DNAJC7: variants seen among roughly 807,000 people sequenced by gnomAD.
DNAJC7 encodes the protein DnaJ heat shock protein family (Hsp40) member C7, also known as dnaJ homolog subfamily C member 7.
In DNAJC7, 18 loss-of-function variants were observed where a neutral mutation model predicts 67.4. The observed-to-expected ratio is 0.27, with a 90% confidence interval of 0.18 to 0.40. The LOEUF is 0.40. DNAJC7 is among the 10% of genes least tolerant of loss of function. DNAJC7 has a pLI of 1.00. For synonymous variants in DNAJC7, 220 were observed against 207.8 expected, an observed-to-expected ratio of 1.06 and a Z score of -0.50; for missense variants, 419 against 613.8, an observed-to-expected ratio of 0.68 and a Z score of 3.35.
At position 41,988,782 on chromosome 17, in the gene DNAJC7, T is replaced by C; in HGVS notation, c.868A>G (p.Ile290Val). The C allele has an allele frequency of 6.2e-7, 1 of 1,612,800 alleles. No individual in the cohort carries two copies. The highest frequency in any genetic ancestry group is 8.5e-7 in the Non-Finnish European group (1 of 1,179,538). Residue 290 changes from isoleucine (I) to valine (V), a missense_variant, in exon 8 of 14, where the codon ATA (isoleucine) becomes GTA (valine). By Grantham distance (29) the Ile-to-Val change is conservative (BLOSUM62 3). Coordinates refer to ENST00000457167, the MANE Select transcript of DNAJC7 (RefSeq NM_003315.4). ...TEALGIDPNNIKTNAKLYCNR... is the reference protein window; with the variant it reads ...TEALGIDPNNVKTNAKLYCNR... ...CAGTAGAGTTTAGCATTTGTTTTTA[T>C]ATTGTTGGGGTCTATCCCCAGGGCT...
Position 41,989,557 on chromosome 17 carries a change from A to T in DNAJC7, c.600T>A (p.Ser200Arg). 6.2e-7 allele frequency: 1 copy of T among 1,613,820 alleles called. No individual in the cohort carries two copies. The highest frequency in any genetic ancestry group is 8.5e-7 in the Non-Finnish European group (1 of 1,179,828). ...TGGTGGAATCCATTCGTAGAATGTC[A>T]CTGCAATAGTCAGAAAAGGGCACAT... Reference protein sequence around the residue: ...GRYPEAQSVASDILRMDSTNA... With the variant: ...GRYPEAQSVARDILRMDSTNA... The change falls in exon 7 of 14, where the codon AGT becomes AGA. Residue 200 changes from serine (S) to arginine (R), a missense_variant and splice_region_variant. Physicochemically the swap from Ser to Arg is moderately radical, Grantham distance 110 (BLOSUM62 -1). Transcript: ENST00000457167.
chr17:41,979,099 G>A (rs1173120358), intron 12 of DNAJC7, among the ~76,000 whole-genome samples: 1 of 152,142 alleles, frequency 6.6e-6, no homozygotes, highest in African/African-American at 2.4e-5. Context: ...AACACTTTGG[G>A]AGGCCAAGAT....
At chr17:41,997,534 T>C (rs1191717317) in intron 2 of DNAJC7, among the ~76,000 whole-genome samples, 2 of 151,478 alleles carry the variant, frequency 1.3e-5, no homozygotes, top group African/African-American at 4.9e-5. Context: ...GAAGTGGAGG[T>C]TGCAGTGACC....
In DNAJC7 at chr17:42,000,630, T is replaced by C. The variant is rs1000547201; in HGVS notation, c.78-60A>G. The C allele has an allele frequency of 7.6e-6, 10 of 1,319,052 alleles. No individual in the cohort carries two copies. In the East Asian group the frequency reaches 1.4e-4, roughly 19 times the overall value. 81.7% of individuals were successfully genotyped at this position (1,319,052 alleles called of 1,614,324 possible). A position where few individuals can be genotyped will look rare whatever the true frequency, so the allele number is the denominator to read the frequency against. The stretch of plus-strand genomic sequence containing the variant: ...TACAAAGGGAATAACCTCTGTAATC[T>C]TACAGGAGGAATCTTTGGTCTAGAG... On this transcript the variant is annotated intron_variant, in intron 1 of 13. Coordinates refer to ENST00000457167, the MANE Select transcript of DNAJC7 (RefSeq NM_003315.4).
chr17:41,992,069 C>G (rs561473186), intron 5 of DNAJC7, among the ~76,000 whole-genome samples: 21 of 152,318 alleles, frequency 1.4e-4, no homozygotes, highest in African/African-American at 5.1e-4. Flanking sequence ...ACCACATTAC[C>G]AGCTGTTTCA....
At chr17:41,978,332 C>T (rs2051145944) in intron 12 of DNAJC7, among the ~76,000 whole-genome samples, 1 of 152,152 alleles carries the variant, frequency 6.6e-6, no homozygotes, top group Non-Finnish European at 1.5e-5. Context: ...GGGCTCCTGG[C>T]TTAGTGAATG....
intron 7 of DNAJC7, among the ~76,000 whole-genome samples, chr17:41,989,163 G>C (rs1474187790): frequency 6.6e-6 from 1 of 152,188 alleles, no homozygotes; most frequent in Non-Finnish European, 1.5e-5. Flanking sequence ...TCTTCACTGA[G>C]GGGAAAAACA....
Position 41,994,895 on chromosome 17 carries a change from T to C in DNAJC7, c.455A>G (p.Asp152Gly), listed in dbSNP as rs1555648350. The C allele has an allele frequency of 6.2e-7, 1 of 1,613,980 alleles. No individual in the cohort carries two copies. Among genetic ancestry groups the C allele is most frequent in the Non-Finnish European group, 8.5e-7 (1 of 1,179,890 alleles). ...CTTCCGAAAATCTCGCTTCTCAAAATCTGTTTCTGCTATTTTCTCATATTC... is the reference window on the plus strand; with the variant it reads ...CTTCCGAAAATCTCGCTTCTCAAAACCTGTTTCTGCTATTTTCTCATATTC... Reference protein sequence around the residue: ...VMEYEKIAETDFEKRDFRKVV... With the variant: ...VMEYEKIAETGFEKRDFRKVV... Residue 152 changes from aspartate (D) to glycine (G), a missense_variant, in exon 5 of 14, where the codon GAT (aspartate) becomes GGT (glycine). Around this residue, in one of 4 missense-constraint regions of DNAJC7, gnomAD observed 179 missense variants for 249.7 expected, o/e 0.72. Coordinates refer to ENST00000457167, the MANE Select transcript of DNAJC7 (RefSeq NM_003315.4).
chr17:41,981,200 T>C (rs1435080971), intron 12 of DNAJC7, among the ~76,000 whole-genome samples: 1 of 151,722 alleles, frequency 6.6e-6, no homozygotes, highest in African/African-American at 2.4e-5. Context: ...TTTCTTCTTA[T>C]TATTTTTTTT....
chr17:41,995,407 T>C (rs2051629541), intron 4 of DNAJC7, among the ~76,000 whole-genome samples: 1 of 152,180 alleles, frequency 6.6e-6, no homozygotes. Flanking sequence ...TGTTTTGAGA[T>C]TCTCACTGAA....
At chr17:41,977,476 A>G in intron 12 of DNAJC7, 153 bp from the exon 13 acceptor site, 2 of 648,468 alleles carry the variant, frequency 3.1e-6, no homozygotes, top group South Asian at 3.9e-5. Context: ...CAAGTGAGCA[A>G]ACCTGCCCCA....
intron 12 of DNAJC7, among the ~76,000 whole-genome samples, chr17:41,979,247 G>A (rs1555645511): frequency 6.6e-6 from 1 of 151,830 alleles, no homozygotes; most frequent in East Asian, 1.9e-4. Context: ...GCTGAGGCAG[G>A]AGAATTTCTT....
At position 41,982,307 on chromosome 17, in the gene DNAJC7, A is replaced by G; in HGVS notation, c.1179T>C (p.Ser393=). 3 of 1,613,992 alleles carry G rather than the reference A, an allele frequency of 1.9e-6. No homozygotes were observed. Among genetic ancestry groups the G allele is most frequent in the Non-Finnish European group, 1.7e-6 (2 of 1,179,898 alleles). ...YKILGVDKNA[S]EDEIKKAYRK... is the part of the protein sequence containing the mutation. Reference sequence around the variant, plus strand: ...GATAAGCTTTCTTGATCTCGTCCTCAGAGGCATTCTTGTCCACTCCTAGAA... The same window carrying G: ...GATAAGCTTTCTTGATCTCGTCCTCGGAGGCATTCTTGTCCACTCCTAGAA... Residue 393 remains serine, a synonymous_variant, in exon 11 of 14, where the codon TCT becomes TCC. Coordinates refer to ENST00000457167, the MANE Select transcript of DNAJC7 (RefSeq NM_003315.4).
At chr17:41,983,320 CA>C (rs1216047935) in intron 10 of DNAJC7, among the ~76,000 whole-genome samples, 1 of 152,144 alleles carries the variant, frequency 6.6e-6, no homozygotes, top group Non-Finnish European at 1.5e-5. Flanking sequence ...GATGGGGTTT[CA>C]CCATGTTGGC....
intron 9 of DNAJC7, chr17:41,987,485 T>C (rs182422601): frequency 3.9e-6 from 1 of 257,552 alleles, no homozygotes; most frequent in East Asian, 8.9e-5. Flanking sequence ...TCAAGCACTG[T>C]GCCAGGGTAG....
intron 5 of DNAJC7, chr17:41,992,812 G>C (rs1287484433): frequency 3.3e-5 from 5 of 152,186 alleles, no homozygotes; most frequent in Admixed American, 1.3e-4. Flanking sequence ...GAGCTACAGT[G>C]GGGGGGCTGG....
chr17:41,984,832 C>CT (rs1230121297), intron 9 of DNAJC7: 3,168 of 145,562 alleles, frequency 0.022, 105 homozygotes, highest in African/African-American at 0.075. Context: ...CATTTTCTTT[C>CT]TTTTTTTTTT....
chr17:42,000,307 CG>C lies in DNAJC7; in HGVS notation c.166+174del, dbSNP rs2051774533. On this transcript the variant is annotated intron_variant, in intron 2 of 13. Coordinates refer to ENST00000457167, the MANE Select transcript of DNAJC7 (RefSeq NM_003315.4). ...CTAATTTTTGTATTTTCAGTAGAGA[CG>C]GGGTTTCGTCATGTTGGCCAGAGTG... Among the ~76,000 whole-genome samples the C allele has an allele frequency of 5.3e-5, 8 of 151,436 alleles. No homozygotes were observed. In the South Asian group the frequency reaches 1.7e-3, roughly 32 times the overall value.
In DNAJC7 at chr17:41,997,154, A is replaced by G; in HGVS notation, c.252T>C (p.Asp84=). The change falls in exon 3 of 14, where the codon GAT becomes GAC. Residue 84 remains aspartate (D), a synonymous_variant. Coordinates refer to ENST00000457167, the MANE Select transcript of DNAJC7 (RefSeq NM_003315.4). ...MLGRFREALG[D]AQQSVRLDDS... is the part of the protein sequence containing the mutation. ...CATCCAACCTCACTGACTGTTGTGC[A>G]TCTCCAAGAGCTTCCCGGAACCTTC... 4.3e-6 allele frequency: 7 copies of G among 1,613,986 alleles called. No homozygotes were observed. Among genetic ancestry groups the G allele is most frequent in the Non-Finnish European group, 5.9e-6 (7 of 1,179,874 alleles).
Sources: gnomAD v4.1 joint callset for allele counts (sites outside exome capture counted in the v4.1 genomes callset) on GRCh38, gnomAD v4.1.1 for gene constraint, gnomAD v4.1.1 regional missense constraint, MANE v1.5 for transcripts, NCBI Gene and HGNC (gene_info 2026-07-23, HGNC 2026-07-21) for gene names.